Variants in ESRRG observed in about 807,000 individuals in gnomAD.
ESRRG encodes estrogen related receptor gamma.
In ESRRG, 13 loss-of-function variants were observed where a neutral mutation model predicts 44.0. That is an observed-to-expected ratio of 0.30 (90% CI 0.19 to 0.47). ESRRG has a LOEUF of 0.47. Ranked by LOEUF, ESRRG falls within the 20% of genes least tolerant of loss-of-function variation. ESRRG has a pLI of 1.00. For synonymous variants in ESRRG, 215 were observed against 214.6 expected (o/e 1.00, Z -0.02); for missense variants, 395 against 580.6 (o/e 0.68, Z 3.29).
chr1:216,985,015 C>T (rs1292585577), intron 1 of ESRRG, among the ~76,000 whole-genome samples: 3 of 152,144 alleles, frequency 2.0e-5, no homozygotes, highest in African/African-American at 7.2e-5. Context: ...ATGGTTTCCT[C>T]ACAGGCTAAA....
At chr1:216,738,236 T>G (rs540600215) in intron 2 of ESRRG, among the ~76,000 whole-genome samples, 4 of 152,256 alleles carry the variant, frequency 2.6e-5, no homozygotes, top group African/African-American at 9.6e-5. Context: ...TGAAGTTAAC[T>G]GCTGAGGAAG....
At chr1:217,127,837 G>C (rs2092911582) in intron 1 of ESRRG, among the ~76,000 whole-genome samples, 3 of 152,092 alleles carry the variant, frequency 2.0e-5, no homozygotes, top group African/African-American at 7.2e-5. Context: ...ACGTTAAAAA[G>C]GAAACACACT....
At chr1:216,775,150 G>A (rs2093554347) in intron 2 of ESRRG, among the ~76,000 whole-genome samples, 1 of 151,814 alleles carries the variant, frequency 6.6e-6, no homozygotes, top group Non-Finnish European at 1.5e-5. Flanking sequence ...TATGTGTATT[G>A]TAGTAAAAAT....
chr1:216,592,392 G>A (rs1223990229), intron 3 of ESRRG, among the ~76,000 whole-genome samples: 1 of 151,934 alleles, frequency 6.6e-6, no homozygotes, highest in Non-Finnish European at 1.5e-5. Flanking sequence ...TTGCCTGGAA[G>A]TAATATTACC....
chr1:216,921,420 G>T (rs2061831202), intron 2 of ESRRG, among the ~76,000 whole-genome samples: 1 of 152,120 alleles, frequency 6.6e-6, no homozygotes, highest in Admixed American at 6.5e-5. Context: ...CTTCCCAAGG[G>T]CTCCCCATCT....
chr1:216,821,473 C>T (rs532904479), intron 2 of ESRRG, among the ~76,000 whole-genome samples: 78 of 151,556 alleles, frequency 5.1e-4, no homozygotes, highest in Non-Finnish European at 9.7e-4. Flanking sequence ...ATCACTTTAG[C>T]CCAGGAGTTT....
intron 1 of ESRRG, among the ~76,000 whole-genome samples, chr1:217,050,196 TG>T (rs11284860): frequency 2.9e-3 from 436 of 152,132 alleles, no homozygotes; most frequent in African/African-American, 9.9e-3. Context: ...ATATTTGAGC[TG>T]GGGGGGTGAA....
At position 216,755,970 on chromosome 1, in the gene ESRRG, T is replaced by C. The variant is rs867492789; in HGVS notation, c.-13-78479A>G. Among the ~76,000 whole-genome samples the C allele has an allele frequency of 2.6e-5, 4 of 152,072 alleles. No individual in the cohort carries two copies. In the South Asian group the frequency reaches 8.3e-4, roughly 32 times the overall value. On this transcript the variant is annotated intron_variant, in intron 2 of 7. Coordinates refer to the ESRRG transcript ENST00000359162. The stretch of plus-strand genomic sequence containing the variant: ...GCCCCCCTGCACATTACAGGGAATC[T>C]AAAAAAACTAACTTTCCCCCAGAAA...
chr1:216,670,817 G>A (rs1051384114), intron 2 of ESRRG, among the ~76,000 whole-genome samples: 1 of 152,144 alleles, frequency 6.6e-6, no homozygotes, highest in Admixed American at 6.5e-5. Flanking sequence ...GAGAGAGAAA[G>A]AAAGGGGATG....
At chr1:216,545,815 A>G (rs1372165467) in intron 5 of ESRRG, among the ~76,000 whole-genome samples, 1 of 151,890 alleles carries the variant, frequency 6.6e-6, no homozygotes, top group African/African-American at 2.4e-5. Context: ...AGAGTTCACT[A>G]TTTTTTCTGT....
At chr1:216,652,714 G>A (rs1299706254) in intron 2 of ESRRG, among the ~76,000 whole-genome samples, 1 of 152,088 alleles carries the variant, frequency 6.6e-6, no homozygotes, top group Non-Finnish European at 1.5e-5. Context: ...AACCAGGGTG[G>A]CCGGGTCACA....
chr1:216,947,218 G>A (rs920739502), intron 1 of ESRRG, among the ~76,000 whole-genome samples: 3 of 151,828 alleles, frequency 2.0e-5, no homozygotes, highest in African/African-American at 7.3e-5. Flanking sequence ...CTGTCTTCTC[G>A]GTACACTCTT....
At chr1:217,004,812 T>A (rs1297002873) in intron 1 of ESRRG, among the ~76,000 whole-genome samples, 1 of 152,184 alleles carries the variant, frequency 6.6e-6, no homozygotes, top group Non-Finnish European at 1.5e-5. Context: ...GAGAATGATA[T>A]TATTTTGGAA....
chr1:216,986,140 G>A (rs900459386), intron 1 of ESRRG, among the ~76,000 whole-genome samples: 1 of 152,120 alleles, frequency 6.6e-6, no homozygotes, highest in Admixed American at 6.5e-5. Context: ...ATGTCTCTTG[G>A]GTTGGGTGAC....
chr1:216,728,232 G>A (rs2087952890), upstream of ESRRG, among the ~76,000 whole-genome samples: 1 of 152,202 alleles, frequency 6.6e-6, no homozygotes. Context: ...ATTCTTTCCT[G>A]AATGTTAAGC....
At chr1:216,649,586 TA>T (rs1307308104) in intron 3 of ESRRG, among the ~76,000 whole-genome samples, 11 of 151,890 alleles carry the variant, frequency 7.2e-5, no homozygotes, top group Non-Finnish European at 1.2e-4. Flanking sequence ...CTTGTTCTTA[TA>T]TATATATTTA....
intron 5 of ESRRG, among the ~76,000 whole-genome samples, chr1:216,560,724 GAGTGA>G (rs1452453814): frequency 2.0e-5 from 3 of 152,182 alleles, no homozygotes; most frequent in Non-Finnish European, 4.4e-5. Flanking sequence ...AATGGAGAGG[GAGTGA>G]AGTGGAGTGT....
intron 1 of ESRRG, among the ~76,000 whole-genome samples, chr1:217,100,238 T>C (rs189910055): frequency 7.9e-5 from 12 of 152,198 alleles, no homozygotes; most frequent in Non-Finnish European, 1.5e-4. Flanking sequence ...GTACTTTATA[T>C]GACAAAAATA....
intron 1 of ESRRG, among the ~76,000 whole-genome samples, chr1:217,026,912 C>CACACACACACAG (rs1255637839): frequency 1.5e-4 from 14 of 93,468 alleles, no homozygotes; most frequent in South Asian, 4.1e-4. Flanking sequence ...CACACACACA[C>CACACACACACAG]AGAGAGAGAG....
Sources: allele counts gnomAD v4.1 joint callset (sites outside exome capture counted in the v4.1 genomes callset), GRCh38; gene constraint gnomAD v4.1.1; transcripts MANE v1.5; gene names NCBI Gene and HGNC (gene_info 2026-07-23, HGNC 2026-07-21).